Variants in AKAP6 observed in about 807,000 individuals in gnomAD.
AKAP6 encodes A-kinase anchoring protein 6.
AKAP6 carries 58 observed loss-of-function variants against 188.5 expected under a neutral mutation model. The ratio of observed to expected loss-of-function variants is 0.31; its 90% CI spans 0.25 to 0.38. The LOEUF is 0.38. Ranked by LOEUF, AKAP6 falls within the 10% of genes least tolerant of loss-of-function variation. AKAP6 has a pLI of 1.00. For synonymous variants in AKAP6, 989 were observed against 998.6 expected (o/e 0.99, Z 0.18); for missense variants, 2,710 against 2,740.0 (o/e 0.99, Z 0.24).
At chr14:32,451,660 T>A (rs1431298210) in intron 2 of AKAP6, among the ~76,000 whole-genome samples, 1 of 152,202 alleles carries the variant, frequency 6.6e-6, no homozygotes, top group Non-Finnish European at 1.5e-5. Flanking sequence ...CATTTAATAT[T>A]TTTTATTATA....
intron 8 of AKAP6, among the ~76,000 whole-genome samples, chr14:32,684,605 A>G (rs927022111): frequency 6.6e-6 from 1 of 152,204 alleles, no homozygotes; most frequent in African/African-American, 2.4e-5. Flanking sequence ...GAGAGAAACT[A>G]GATTAAAAAT....
In AKAP6 at chr14:32,548,857, G is replaced by A. The variant is rs891453746; in HGVS notation, c.2346+1858G>A. The stretch of plus-strand genomic sequence containing the variant: ...TCAGGACCCATTCAGACTGGATAGA[G>A]AATATTGATGTAACTGCCATGGGCA... On this transcript the variant is annotated intron_variant, in intron 4 of 13. Coordinates refer to ENST00000280979, the MANE Select transcript of AKAP6 (RefSeq NM_004274.5). Among the ~76,000 whole-genome samples the A allele has an allele frequency of 2.0e-5, 3 of 152,324 alleles. 1 individual carries two copies. Among genetic ancestry groups the A allele is most frequent in the Middle Eastern group, 6.8e-3 (2 of 294 alleles).
chr14:32,481,951 T>C (rs1208324198), intron 2 of AKAP6, among the ~76,000 whole-genome samples: 1 of 152,100 alleles, frequency 6.6e-6, no homozygotes, highest in Non-Finnish European at 1.5e-5. Context: ...CTCATTGTTA[T>C]GGGAGCTATA....
chr14:32,498,874 T>C (rs1880461557), intron 2 of AKAP6, among the ~76,000 whole-genome samples: 1 of 152,172 alleles, frequency 6.6e-6, no homozygotes, highest in African/African-American at 2.4e-5. Context: ...AATTAATTTG[T>C]AATCTATACT....
intron 2 of AKAP6, among the ~76,000 whole-genome samples, chr14:32,506,048 C>T (rs965727999): frequency 2.0e-5 from 3 of 151,886 alleles, no homozygotes; most frequent in Non-Finnish European, 2.9e-5. Context: ...GAGGCTGAGG[C>T]AGGAGAATCA....
chr14:32,543,687 G>T (rs1956225), intron 3 of AKAP6, among the ~76,000 whole-genome samples: 34,506 of 151,942 alleles, frequency 0.23, 4,365 homozygotes, highest in African/African-American at 0.33. Flanking sequence ...ATTTGTGTAG[G>T]TTATTCTGGT....
intron 2 of AKAP6, among the ~76,000 whole-genome samples, chr14:32,498,003 G>C (rs1476275721): frequency 6.6e-6 from 1 of 151,844 alleles, no homozygotes; most frequent in African/African-American, 2.4e-5. Flanking sequence ...TTCAATCTAA[G>C]GTATTTATGT....
chr14:32,805,997 A>G (rs2034079502), intron 12 of AKAP6, among the ~76,000 whole-genome samples: 1 of 152,228 alleles, frequency 6.6e-6, no homozygotes, highest in Admixed American at 6.5e-5. Context: ...CCTTAGTACT[A>G]TTAATGTATC....
chr14:32,534,592 T>C (rs1359859803), intron 2 of AKAP6, among the ~76,000 whole-genome samples: 1 of 152,232 alleles, frequency 6.6e-6, no homozygotes, highest in Non-Finnish European at 1.5e-5. Context: ...TTTTGTCTTT[T>C]TTCATCTTTG....
chr14:32,658,780 TAAA>T (rs34420236), intron 7 of AKAP6, among the ~76,000 whole-genome samples: 129 of 136,040 alleles, frequency 9.5e-4, no homozygotes, highest in African/African-American at 2.3e-3. Context: ...AAGTCTTCTT[TAAA>T]AAAAAAAAAA....
intron 1 of AKAP6, among the ~76,000 whole-genome samples, chr14:32,428,827 A>G (rs1175131055): frequency 6.6e-6 from 1 of 152,222 alleles, no homozygotes; most frequent in Non-Finnish European, 1.5e-5. Context: ...CATCCATGGC[A>G]TGTTTCTATA....
chr14:32,528,719 C>T (rs372882919), intron 2 of AKAP6, among the ~76,000 whole-genome samples: 1 of 152,094 alleles, frequency 6.6e-6, no homozygotes, highest in Non-Finnish European at 1.5e-5. Flanking sequence ...GCTCTGTCCC[C>T]CAGGCTGGAG....
At chr14:32,427,776 G>T (rs1417536490) in intron 1 of AKAP6, among the ~76,000 whole-genome samples, 1 of 152,176 alleles carries the variant, frequency 6.6e-6, no homozygotes, top group Non-Finnish European at 1.5e-5. Context: ...TAGGTTCTAT[G>T]AAGAGTGGTT....
chr14:32,484,950 CT>C (rs1566532240), intron 2 of AKAP6: 7 of 217,710 alleles, frequency 3.2e-5, no homozygotes, highest in Non-Finnish European at 3.3e-5. Flanking sequence ...CTTCTCCCGC[CT>C]TTTTTTCCTG....
At chr14:32,423,491 T>A (rs2138673210) in intron 1 of AKAP6, among the ~76,000 whole-genome samples, 1 of 152,282 alleles carries the variant, frequency 6.6e-6, no homozygotes, top group Non-Finnish European at 1.5e-5. Context: ...AACTTATTTT[T>A]ATTAACAACT....
chr14:32,441,991 C>T (rs563509914), intron 2 of AKAP6, among the ~76,000 whole-genome samples: 1 of 152,142 alleles, frequency 6.6e-6, no homozygotes, highest in Non-Finnish European at 1.5e-5. Flanking sequence ...CACTGAACAA[C>T]AATAGCTATC....
intron 5 of AKAP6, among the ~76,000 whole-genome samples, chr14:32,596,219 A>T (rs1388652276): frequency 6.6e-6 from 1 of 152,168 alleles, no homozygotes; most frequent in Non-Finnish European, 1.5e-5. Context: ...ATCTGTTTCC[A>T]TCAAGGCGTA....
chr14:32,535,719 C>T lies in AKAP6; in HGVS notation c.490C>T (p.Arg164Cys), dbSNP rs1882642198. The change falls in exon 3 of 14, where the codon CGC becomes TGC. Residue 164 changes from arginine to cysteine, a missense_variant. Arg to Cys is a radical substitution (Grantham distance 180). Transcript: ENST00000280979. ...AGTCTCAGTGCTGGTTCTGCGGGAGCGCATTCTGCAAGGTCTGCAGGACGC... is the reference window on the plus strand; with the variant it reads ...AGTCTCAGTGCTGGTTCTGCGGGAGTGCATTCTGCAAGGTCTGCAGGACGC... Reference protein sequence around the residue: ...LRVSVLVLRERILQGLQDANG... With the variant: ...LRVSVLVLRECILQGLQDANG... 1 of 1,614,202 alleles carries T rather than the reference C, an allele frequency of 6.2e-7. No individual in the cohort carries two copies. The highest frequency in any genetic ancestry group is 8.5e-7 in the Non-Finnish European group (1 of 1,180,006).
At chr14:32,398,596 C>G (rs1339820919) in intron 1 of AKAP6, among the ~76,000 whole-genome samples, 2 of 152,120 alleles carry the variant, frequency 1.3e-5, no homozygotes, top group South Asian at 2.1e-4. Context: ...TGGTTCCAGG[C>G]TTCTCCTGGG....
Sources: gnomAD v4.1 joint callset for allele counts (sites outside exome capture counted in the v4.1 genomes callset) on GRCh38, gnomAD v4.1.1 for gene constraint, MANE v1.5 for transcripts, NCBI Gene and HGNC (gene_info 2026-07-23, HGNC 2026-07-21) for gene names.